UGT1A4: variants seen among roughly 807,000 people sequenced by gnomAD.
UGT1A4 encodes the protein UDP-glucuronosyltransferase 1A4.
Under a neutral mutation model 41.1 loss-of-function variants are expected in UGT1A4, and 32 were observed. The ratio of observed to expected loss-of-function variants is 0.78; its 90% CI spans 0.59 to 1.05. The LOEUF (loss-of-function observed/expected upper bound fraction) is 1.05, where lower values mean the gene tolerates loss of function less well. Among genes scored for constraint, UGT1A4 ranks in the 50% least tolerant of loss-of-function variants. The pLI is 0.00. For missense variants in UGT1A4, 748 were observed against 677.4 expected, an observed-to-expected ratio of 1.10 and a Z score of -1.16; for synonymous variants, 283 against 265.1, an observed-to-expected ratio of 1.07 and a Z score of -0.66.
At chr2:233,737,526 G>C (rs574961545) in intron 1 of UGT1A4, among the ~76,000 whole-genome samples, 8 of 152,286 alleles carry the variant, frequency 5.3e-5, no homozygotes, top group African/African-American at 1.9e-4. Context: ...GTGAGGCGAC[G>C]CCCTGCCCTG....
At chr2:233,772,131 C>T in intron 4 of UGT1A4, 131 bp from the exon 5 acceptor site, 2 of 1,543,198 alleles carry the variant, frequency 1.3e-6, no homozygotes, top group South Asian at 2.4e-5. Context: ...ACAACAACAA[C>T]AATAATAGAA....
At chr2:233,755,921 AT>A (rs1696067229) in intron 1 of UGT1A4, 1 of 146,266 alleles carries the variant, frequency 6.8e-6, no homozygotes, top group Non-Finnish European at 1.5e-5. Context: ...GAAGAGTGGC[AT>A]CGTTTTACAG....
intron 1 of UGT1A4, chr2:233,729,429 T>G (rs765476493): frequency 6.2e-7 from 1 of 1,613,872 alleles, no homozygotes; most frequent in Admixed American, 1.7e-5. Context: ...AACTGTACTT[T>G]GAAACAGAAC....
chr2:233,759,046 C>T (rs1422861422), intron 1 of UGT1A4, among the ~76,000 whole-genome samples: 1 of 152,150 alleles, frequency 6.6e-6, no homozygotes, highest in Non-Finnish European at 1.5e-5. Flanking sequence ...CTGTTGTGAA[C>T]AAAAGTTCTC....
At chr2:233,729,463 A>G (rs369094416) in intron 1 of UGT1A4, 48 of 1,614,060 alleles carry the variant, frequency 3.0e-5, no homozygotes, top group African/African-American at 4.0e-5. Flanking sequence ...ATTTTTCAGA[A>G]GTATGGCAAT....
intron 1 of UGT1A4, among the ~76,000 whole-genome samples, chr2:233,726,233 C>G (rs536787138): frequency 6.6e-6 from 1 of 152,166 alleles, no homozygotes; most frequent in Non-Finnish European, 1.5e-5. Flanking sequence ...TTTTTTAAAA[C>G]TCCAATATGA....
chr2:233,747,363 C>T, intron 1 of UGT1A4: 9 of 1,603,782 alleles, frequency 5.6e-6, no homozygotes, highest in South Asian at 1.1e-5. Context: ...CGTGCGGGAG[C>T]TCCATGCCAG....
chr2:233,736,505 A>G (rs530894832), intron 1 of UGT1A4, among the ~76,000 whole-genome samples: 2 of 152,202 alleles, frequency 1.3e-5, no homozygotes, highest in South Asian at 2.1e-4. Flanking sequence ...TCTGAAGCCT[A>G]CTTCTGTCAA....
chr2:233,719,799 G>C, intron 1 of UGT1A4, 112 bp downstream of exon 1: 11 of 1,603,246 alleles, frequency 6.9e-6, no homozygotes, highest in Non-Finnish European at 8.5e-6. Context: ...ATTTTATTTT[G>C]GCTTCTTTAT....
At chr2:233,746,247 A>G (rs939163155) in intron 1 of UGT1A4, among the ~76,000 whole-genome samples, 1 of 151,776 alleles carries the variant, frequency 6.6e-6, no homozygotes, top group Non-Finnish European at 1.5e-5. Context: ...AAAAGATACA[A>G]GGCAGAACAG....
intron 1 of UGT1A4, among the ~76,000 whole-genome samples, chr2:233,765,312 TTTA>T (rs1273770554): frequency 2.0e-5 from 3 of 152,204 alleles, no homozygotes; most frequent in African/African-American, 7.2e-5. Flanking sequence ...CACATATTTG[TTTA>T]TTGCAGCACT....
chr2:233,722,521 T>G, intron 1 of UGT1A4, among the ~76,000 whole-genome samples: 1 of 152,232 alleles, frequency 6.6e-6, no homozygotes, highest in East Asian at 1.9e-4. Context: ...AGCTTATTTT[T>G]GCCTTAATGA....
intron 1 of UGT1A4, chr2:233,747,140 A>C: frequency 1.3e-6 from 2 of 1,552,466 alleles, no homozygotes; most frequent in East Asian, 2.3e-5. Flanking sequence ...GTGACAAGGT[A>C]ATTAAGATGA....
At chr2:233,745,275 A>G (rs1321529311) in intron 1 of UGT1A4, among the ~76,000 whole-genome samples, 1 of 151,868 alleles carries the variant, frequency 6.6e-6, no homozygotes, top group East Asian at 1.9e-4. Flanking sequence ...GGCCGTGTGT[A>G]TAGCACTGGG....
intron 1 of UGT1A4, among the ~76,000 whole-genome samples, chr2:233,737,955 G>A (rs1690643843): frequency 6.6e-6 from 1 of 151,990 alleles, no homozygotes; most frequent in African/African-American, 2.4e-5. Context: ...TTCCCAACAT[G>A]AGGTCACACT....
intron 1 of UGT1A4, among the ~76,000 whole-genome samples, chr2:233,722,976 C>T (rs1378643600): frequency 1.4e-5 from 2 of 146,460 alleles, no homozygotes; most frequent in Non-Finnish European, 3.0e-5. Context: ...AGGGATTGGT[C>T]CTGCTGTCTC....
intron 1 of UGT1A4, among the ~76,000 whole-genome samples, chr2:233,749,727 C>A (rs1694261714): frequency 6.6e-6 from 1 of 151,854 alleles, no homozygotes; most frequent in Admixed American, 6.5e-5. Context: ...CAGTTTCGCA[C>A]CTGCTGGTCT....
intron 1 of UGT1A4, chr2:233,761,142 A>G: frequency 5.0e-6 from 8 of 1,614,232 alleles, no homozygotes; most frequent in Non-Finnish European, 5.9e-6. Context: ...ACCAAAATCC[A>G]CTATCCCAGG....
intron 1 of UGT1A4, chr2:233,744,085 T>A: frequency 2.3e-6 from 1 of 436,802 alleles, no homozygotes; most frequent in Non-Finnish European, 3.9e-6. Flanking sequence ...CATCCCAAGA[T>A]GCAGTGCTTC....
Sources: allele counts gnomAD v4.1 joint callset (sites outside exome capture counted in the v4.1 genomes callset), GRCh38; gene constraint gnomAD v4.1.1; transcripts MANE v1.5; gene names NCBI Gene and HGNC (gene_info 2026-07-23, HGNC 2026-07-21).